The following ADAM12 variants were observed in gnomAD, a reference collection of about 807,000 sequenced individuals.
ADAM12 encodes the protein disintegrin and metalloproteinase domain-containing protein 12.
ADAM12 carries 70 observed loss-of-function variants against 106.4 expected under a neutral mutation model. The observed-to-expected ratio is 0.66, with a 90% CI of 0.54 to 0.80. The LOEUF (loss-of-function observed/expected upper bound fraction) is 0.80. Among genes scored for constraint, ADAM12 ranks in the 30% least tolerant of loss-of-function variants. The pLI is 0.00. For missense variants in ADAM12, 1,010 were observed against 1,171.9 expected (o/e 0.86, Z 2.02); for synonymous variants, 420 against 433.5 (o/e 0.97, Z 0.39).
intron 3 of ADAM12, among the ~76,000 whole-genome samples, chr10:126,265,004 A>T (rs940896790): frequency 6.6e-6 from 1 of 152,234 alleles, no homozygotes; most frequent in Admixed American, 6.5e-5. Context: ...TAATATCTAT[A>T]TGGGTAATTT....
chr10:126,046,249 C>G, intron 16 of ADAM12, 117 bp from the exon 17 acceptor site: 1 of 899,510 alleles, frequency 1.1e-6, no homozygotes, highest in East Asian at 2.5e-5. Flanking sequence ...AAGACCCAAC[C>G]TTGTCTCAGT....
chr10:126,377,596 AC>A (rs1856339944), intron 1 of ADAM12, among the ~76,000 whole-genome samples: 1 of 152,136 alleles, frequency 6.6e-6, no homozygotes. Flanking sequence ...CAACACCCTC[AC>A]AGATACACCC....
intron 18 of ADAM12, among the ~76,000 whole-genome samples, chr10:126,040,706 T>G (rs1014383685): frequency 6.6e-6 from 1 of 152,084 alleles, no homozygotes; most frequent in Non-Finnish European, 1.5e-5. Flanking sequence ...ACAAAGTTAA[T>G]TAAAGTTAAT....
At chr10:126,242,471 C>G (rs539910874) in intron 3 of ADAM12, among the ~76,000 whole-genome samples, 64 of 152,274 alleles carry the variant, frequency 4.2e-4, no homozygotes, top group Non-Finnish European at 7.1e-4. Flanking sequence ...AAATTAAGAA[C>G]ATGTAAGCAA....
chr10:126,094,037 T>C lies in ADAM12; in HGVS notation c.1093A>G (p.Ser365Gly), dbSNP rs1270083832. ...CCTTTCTCAACCGCCATTTGACAGC[T>C]ACAGCCCCTGTCCAGTGTGTCATGA... ...MNHDTLDRGC[S>G]CQMAVEKGGC... is the part of the protein sequence containing the mutation. Residue 365 changes from serine to glycine, a missense_variant, in exon 11 of 23, where the codon AGC (serine) becomes GGC (glycine). Physicochemically the swap from Ser to Gly is moderately conservative, Grantham distance 56 (BLOSUM62 0). Around this residue, in one of 3 missense-constraint regions of ADAM12, gnomAD observed 615 missense variants for 708.5 expected, o/e 0.87. Transcript: ENST00000448723. The C allele has an allele frequency of 1.9e-6, 3 of 1,614,064 alleles. No homozygotes were observed. Among genetic ancestry groups the C allele is most frequent in the Non-Finnish European group, 2.5e-6 (3 of 1,180,046 alleles).
intron 2 of ADAM12, among the ~76,000 whole-genome samples, chr10:126,303,015 T>C (rs1030224085): frequency 6.6e-6 from 1 of 152,004 alleles, no homozygotes; most frequent in Admixed American, 6.6e-5. Flanking sequence ...TGGAGCAAAG[T>C]AGGGAGCTGG....
intron 22 of ADAM12, among the ~76,000 whole-genome samples, chr10:126,018,110 G>C (rs1280257993): frequency 6.6e-6 from 1 of 152,226 alleles, no homozygotes; most frequent in African/African-American, 2.4e-5. Flanking sequence ...TTATTAAGCA[G>C]CTCTTTCTTT....
intron 1 of ADAM12, among the ~76,000 whole-genome samples, chr10:126,372,719 C>T (rs922780875): frequency 1.3e-5 from 2 of 152,206 alleles, no homozygotes; most frequent in African/African-American, 4.8e-5. Flanking sequence ...TTTAGCTTTA[C>T]AGACCATATC....
At chr10:126,357,431 G>A (rs146523090) in intron 1 of ADAM12, among the ~76,000 whole-genome samples, 1 of 152,288 alleles carries the variant, frequency 6.6e-6, no homozygotes, top group East Asian at 1.9e-4. Flanking sequence ...AAGCTAAGCA[G>A]AGATTGAATG....
intron 1 of ADAM12, among the ~76,000 whole-genome samples, chr10:126,349,357 A>G (rs1362411119): frequency 6.6e-6 from 1 of 152,236 alleles, no homozygotes; most frequent in East Asian, 1.9e-4. Context: ...TCTAACAAAT[A>G]TTTCAAAACT....
At chr10:126,293,793 G>A (rs10128229) in intron 2 of ADAM12, among the ~76,000 whole-genome samples, 30,250 of 151,872 alleles carry the variant, frequency 0.2, 3,102 homozygotes, top group Non-Finnish European at 0.22. Flanking sequence ...TTCTTCTTTT[G>A]CCCTTCCTTC....
chr10:126,045,461 T>C (rs953151946), intron 17 of ADAM12, among the ~76,000 whole-genome samples: 1 of 152,124 alleles, frequency 6.6e-6, no homozygotes, highest in Non-Finnish European at 1.5e-5. Flanking sequence ...GTAGGAAAGG[T>C]TTCAGGAAAA....
intron 2 of ADAM12, among the ~76,000 whole-genome samples, chr10:126,306,668 T>C (rs1390313210): frequency 6.6e-6 from 1 of 152,224 alleles, no homozygotes; most frequent in Non-Finnish European, 1.5e-5. Context: ...GCAGTTTTTC[T>C]TACATCTTGA....
chr10:126,199,505 G>A (rs1309328491), intron 3 of ADAM12, among the ~76,000 whole-genome samples: 3 of 152,070 alleles, frequency 2.0e-5, no homozygotes, highest in Non-Finnish European at 4.4e-5. Flanking sequence ...GGATTCTACC[G>A]CAGAAACGCT....
At chr10:126,035,109 T>G (rs1954035346) in intron 21 of ADAM12, among the ~76,000 whole-genome samples, 1 of 152,182 alleles carries the variant, frequency 6.6e-6, no homozygotes. Flanking sequence ...AGATATTTTG[T>G]TGTATTTATC....
At chr10:126,220,329 A>G (rs959570831) in intron 3 of ADAM12, among the ~76,000 whole-genome samples, 6 of 152,202 alleles carry the variant, frequency 3.9e-5, no homozygotes, top group Admixed American at 1.3e-4. Context: ...AGTCCTGTGT[A>G]TAGCTGGGAA....
At chr10:126,105,100 G>A (rs950953064) in intron 8 of ADAM12, among the ~76,000 whole-genome samples, 4 of 152,054 alleles carry the variant, frequency 2.6e-5, no homozygotes, top group Non-Finnish European at 2.9e-5. Context: ...TCAGCAAATC[G>A]GCTCTCTCCC....
intron 1 of ADAM12, among the ~76,000 whole-genome samples, chr10:126,342,944 C>A (rs952242724): frequency 2.6e-5 from 4 of 152,090 alleles, no homozygotes; most frequent in Non-Finnish European, 5.9e-5. Flanking sequence ...GCAGGGTTCC[C>A]TCCTCCTCTC....
In ADAM12 at chr10:126,381,396, T is replaced by TA; in HGVS notation, c.88+6661_88+6662insT. 1.3e-5 allele frequency among the ~76,000 whole-genome samples: 2 copies of TA among 152,098 alleles called. 1 individual carries two copies. Among genetic ancestry groups the TA allele is most frequent in the South Asian group, 4.2e-4 (2 of 4,818 alleles). On this transcript the variant is annotated intron_variant, in intron 1 of 22. Coordinates refer to ENST00000448723, the MANE Select transcript of ADAM12 (RefSeq NM_001288973.2). The stretch of plus-strand genomic sequence containing the variant: ...TCAATGCCTGTAATTCCAACACTTT[T>TA]GGGGGGCTGCGGCAGGAGGATGCTT...
Sources: gnomAD v4.1 joint callset for allele counts (sites outside exome capture counted in the v4.1 genomes callset) on GRCh38, gnomAD v4.1.1 for gene constraint, gnomAD v4.1.1 regional missense constraint, MANE v1.5 for transcripts, NCBI Gene and HGNC (gene_info 2026-07-23, HGNC 2026-07-21) for gene names.